Variants in ACOT7 observed in about 807,000 individuals in gnomAD.
ACOT7 encodes the protein acyl-CoA thioesterase 7.
In ACOT7, 12 loss-of-function variants were observed where a neutral mutation model predicts 40.2. The observed-to-expected ratio is 0.30, with a 90% confidence interval of 0.19 to 0.48. The LOEUF (loss-of-function observed/expected upper bound fraction) is 0.48, where lower values mean the gene tolerates loss of function less well. ACOT7 is among the 20% of genes least tolerant of loss of function. The pLI, the probability that ACOT7 is intolerant of heterozygous loss-of-function variation, is 0.99. For missense variants in ACOT7, 395 were observed against 530.8 expected, an observed-to-expected ratio of 0.74 and a Z score of 2.51; for synonymous variants, 228 against 219.5, an observed-to-expected ratio of 1.04 and a Z score of -0.34.
At chr1:6,305,374 G>C (rs1571290386) in intron 6 of ACOT7, among the ~76,000 whole-genome samples, 16 of 145,836 alleles carry the variant, frequency 1.1e-4, no homozygotes, top group South Asian at 2.2e-4. Context: ...CCGGGCGGGG[G>C]GCTGACCCCC....
At chr1:6,385,509 G>T in intron 1 of ACOT7, 1 of 1,610,390 alleles carries the variant, frequency 6.2e-7, no homozygotes, top group Admixed American at 1.7e-5. Context: ...AGTAATGCAG[G>T]CTCCACAGGG....
intron 1 of ACOT7, chr1:6,385,813 GCCCCTCCC>G (rs1642429983): frequency 7.1e-7 from 1 of 1,408,384 alleles, no homozygotes; most frequent in Non-Finnish European, 9.2e-7. Context: ...TCCTAGGACC[GCCCCTCCC>G]CCACCAGCCC....
chr1:6,306,851 CTT>C lies in ACOT7; in HGVS notation c.712+11639_712+11640del. On this transcript the variant is annotated intron_variant, in intron 6 of 8. Coordinates refer to ENST00000361521, the MANE Select transcript of ACOT7 (RefSeq NM_007274.4). The surrounding 1 kb of genome is among the most constrained non-coding windows in gnomAD (Gnocchi z 4.3). Reference sequence around the variant, plus strand: ...AATTGGAAAAGAGTAACTGTGCCCTCTTTTGCATTTTTCAGTGAAAGTCAACT... The same window carrying C: ...AATTGGAAAAGAGTAACTGTGCCCTCTTGCATTTTTCAGTGAAAGTCAACT... The C allele has an allele frequency of 7.8e-7, 1 of 1,289,118 alleles. No homozygotes were observed. Among genetic ancestry groups the C allele is most frequent in the South Asian group, 1.2e-5 (1 of 81,008 alleles). The allele number at this position is 1,289,118 out of a possible 1,614,324, so 79.9% of individuals were successfully genotyped here.
intron 1 of ACOT7, among the ~76,000 whole-genome samples, chr1:6,380,601 A>C (rs1642316396): frequency 6.6e-6 from 1 of 150,576 alleles, no homozygotes; most frequent in Non-Finnish European, 1.5e-5. Context: ...AAAAAAAAAA[A>C]ACAAGAAGAC....
At chr1:6,291,509 G>T (rs150069268) in intron 7 of ACOT7, among the ~76,000 whole-genome samples, 175 of 152,330 alleles carry the variant, frequency 1.1e-3, no homozygotes, top group African/African-American at 4.1e-3. Context: ...GCGAACAGAT[G>T]TCTGTTGTTC....
At chr1:6,336,327 C>T (rs1017139967) in intron 3 of ACOT7, among the ~76,000 whole-genome samples, 2 of 91,630 alleles carry the variant, frequency 2.2e-5, no homozygotes, top group African/African-American at 4.9e-5. Flanking sequence ...GAGCAAGACT[C>T]GGTCTCAAAA....
intron 1 of ACOT7, chr1:6,385,765 T>C (rs1198762125): frequency 1.4e-6 from 2 of 1,473,796 alleles, no homozygotes; most frequent in Non-Finnish European, 1.8e-6. Flanking sequence ...TGAGCCGGTG[T>C]GATCCCTCCC....
intron 5 of ACOT7, among the ~76,000 whole-genome samples, 153 bp downstream of exon 5, chr1:6,327,146 C>T (rs1374033487): frequency 1.3e-5 from 2 of 152,160 alleles, no homozygotes; most frequent in African/African-American, 4.8e-5. Flanking sequence ...GGGGACAGCC[C>T]TCCCTGGGGA....
intron 8 of ACOT7, among the ~76,000 whole-genome samples, chr1:6,270,374 C>A (rs2148364857): frequency 1.3e-5 from 2 of 152,326 alleles, no homozygotes; most frequent in South Asian, 4.1e-4. Context: ...CCCGAGGCTG[C>A]TGGTGGGGGA....
intron 1 of ACOT7, among the ~76,000 whole-genome samples, chr1:6,353,626 T>G (rs1187965435): frequency 3.9e-5 from 6 of 152,214 alleles, no homozygotes; most frequent in Non-Finnish European, 1.5e-5. Flanking sequence ...AGAGTGAGAC[T>G]TCGTCTCAAA....
intron 7 of ACOT7, among the ~76,000 whole-genome samples, chr1:6,293,141 G>A (rs976175464): frequency 2.1e-4 from 32 of 151,962 alleles, no homozygotes; most frequent in Non-Finnish European, 5.9e-5. Flanking sequence ...CGCCCGCCTC[G>A]GCCTCCCAAA....
chr1:6,318,057 G>T (rs1640545325), intron 6 of ACOT7, among the ~76,000 whole-genome samples: 1 of 149,564 alleles, frequency 6.7e-6, no homozygotes, highest in South Asian at 2.1e-4. Context: ...GTGATTTATT[G>T]TTCAACCTTT....
intron 7 of ACOT7, among the ~76,000 whole-genome samples, chr1:6,287,510 A>G (rs1257190858): frequency 6.6e-6 from 1 of 152,242 alleles, no homozygotes; most frequent in Non-Finnish European, 1.5e-5. Flanking sequence ...CCTGGCATCA[A>G]GTGTGTCATA....
At chr1:6,356,644 C>T (rs560656833) in intron 1 of ACOT7, among the ~76,000 whole-genome samples, 24 of 152,286 alleles carry the variant, frequency 1.6e-4, no homozygotes, top group African/African-American at 5.5e-4. Context: ...GCTGGCCAAG[C>T]GCAGTGGCTC....
At position 6,359,747 on chromosome 1, in the gene ACOT7, C is replaced by G. The variant is rs946634973; in HGVS notation, c.144-9881G>C. Among the ~76,000 whole-genome samples, 1 of 152,244 alleles carries G rather than the reference C, an allele frequency of 6.6e-6. No homozygotes were observed. On this transcript the variant is annotated intron_variant, in intron 1 of 8. Transcript: ENST00000361521. The surrounding 1 kb of genome is among the most constrained non-coding windows in gnomAD (Gnocchi z 4.1). ...CCACAACCTCCCCCAATGCTGCCCC[C>G]ACCAGGGCTGCTTTCCCAGGAATCC...
At chr1:6,305,121 G>A (rs576360538) in intron 6 of ACOT7, among the ~76,000 whole-genome samples, 3 of 145,614 alleles carry the variant, frequency 2.1e-5, no homozygotes, top group South Asian at 2.2e-4. Flanking sequence ...CGGGCAGAGG[G>A]GCTCCTCTCT....
intron 3 of ACOT7, among the ~76,000 whole-genome samples, chr1:6,335,276 G>A (rs990541951): frequency 4.8e-5 from 7 of 145,808 alleles, no homozygotes; most frequent in African/African-American, 1.5e-4. Context: ...GCGGTGAGCC[G>A]AGATGGCGCC....
intron 2 of ACOT7, among the ~76,000 whole-genome samples, chr1:6,345,382 G>A (rs1404469796): frequency 1.3e-5 from 2 of 152,254 alleles, no homozygotes; most frequent in Non-Finnish European, 2.9e-5. Context: ...ACAGCTCTGG[G>A]CCCTGGGTTC....
chr1:6,281,444 G>A (rs966445231), intron 7 of ACOT7, among the ~76,000 whole-genome samples, 158 bp from the exon 8 acceptor site: 37 of 152,354 alleles, frequency 2.4e-4, no homozygotes, highest in African/African-American at 8.2e-4. Flanking sequence ...AGAATGTGTC[G>A]TTAGTTGCCC....
Sources: gnomAD v4.1 joint callset for allele counts (sites outside exome capture counted in the v4.1 genomes callset) on GRCh38, gnomAD v4.1.1 for gene constraint, Gnocchi (gnomAD v3.1) non-coding constraint, MANE v1.5 for transcripts, NCBI Gene and HGNC (gene_info 2026-07-23, HGNC 2026-07-21) for gene names.